The following CRPPA variants were observed in gnomAD, a reference collection of about 807,000 sequenced individuals.
CRPPA encodes D-ribitol-5-phosphate cytidylyltransferase.
CRPPA carries 43 observed loss-of-function variants against 52.0 expected under a neutral mutation model. The ratio of observed to expected loss-of-function variants is 0.83; its 90% CI spans 0.65 to 1.07. The LOEUF is 1.07. Ranked by LOEUF, CRPPA falls within the 50% of genes least tolerant of loss-of-function variation. CRPPA has a pLI of 0.00. For missense variants in CRPPA, 629 were observed against 551.7 expected (o/e 1.14, Z -1.40); for synonymous variants, 250 against 203.5 (o/e 1.23, Z -1.94).
chr7:16,200,956 A>AT, intron 9 of CRPPA, among the ~76,000 whole-genome samples: 1 of 152,278 alleles, frequency 6.6e-6, no homozygotes, highest in Non-Finnish European at 1.5e-5. Flanking sequence ...CATTTATGTT[A>AT]TTTTTTATAG....
intron 2 of CRPPA, among the ~76,000 whole-genome samples, chr7:16,400,188 A>G (rs1288761712): frequency 6.6e-6 from 1 of 152,150 alleles, no homozygotes; most frequent in African/African-American, 2.4e-5. Context: ...GACGTGACTG[A>G]CACGATTGAA....
At chr7:16,377,966 AG>A (rs1786943471) in intron 2 of CRPPA, among the ~76,000 whole-genome samples, 4 of 152,138 alleles carry the variant, frequency 2.6e-5, no homozygotes, top group Admixed American at 2.6e-4. Flanking sequence ...TTTTCATACC[AG>A]GGGAAATAAA....
intron 3 of CRPPA, among the ~76,000 whole-genome samples, chr7:16,356,775 C>A (rs1786306404): frequency 1.3e-5 from 2 of 152,182 alleles, no homozygotes; most frequent in Non-Finnish European, 2.9e-5. Flanking sequence ...TTTCCAACAT[C>A]TGGGTCCTTT....
At chr7:16,306,415 C>T (rs961641358) in intron 4 of CRPPA, among the ~76,000 whole-genome samples, 10 of 152,204 alleles carry the variant, frequency 6.6e-5, no homozygotes, top group Non-Finnish European at 1.2e-4. Flanking sequence ...AGGACTAACA[C>T]TCTTGCTGGA....
chr7:16,295,429 A>G (rs944400232), intron 5 of CRPPA, among the ~76,000 whole-genome samples: 55 of 152,110 alleles, frequency 3.6e-4, no homozygotes, highest in Admixed American at 1.2e-3. Flanking sequence ...CCTCTTTTTT[A>G]ATACACACAA....
chr7:16,351,273 A>C (rs1273456162), intron 3 of CRPPA, among the ~76,000 whole-genome samples: 1 of 152,180 alleles, frequency 6.6e-6, no homozygotes, highest in African/African-American at 2.4e-5. Context: ...GATGGATTAA[A>C]GATTTAAACC....
At chr7:16,330,693 T>C (rs967033732) in intron 3 of CRPPA, among the ~76,000 whole-genome samples, 2 of 152,034 alleles carry the variant, frequency 1.3e-5, no homozygotes, top group Non-Finnish European at 2.9e-5. Context: ...ATACTACTAA[T>C]ATGGGAGAGA....
At chr7:16,409,442 G>T (rs945572430) in intron 1 of CRPPA, among the ~76,000 whole-genome samples, 1 of 152,194 alleles carries the variant, frequency 6.6e-6, no homozygotes, top group Non-Finnish European at 1.5e-5. Context: ...ATTCAGCAAA[G>T]AGAGAAAGGA....
intron 3 of CRPPA, among the ~76,000 whole-genome samples, chr7:16,337,561 A>C (rs1785717114): frequency 6.6e-6 from 1 of 152,088 alleles, no homozygotes; most frequent in Non-Finnish European, 1.5e-5. Context: ...AAGTAACTGA[A>C]ATAGAGTCTA....
chr7:16,109,926 T>C (rs989616701), intron 9 of CRPPA, among the ~76,000 whole-genome samples: 1 of 152,014 alleles, frequency 6.6e-6, no homozygotes, highest in Admixed American at 6.6e-5. Context: ...TTCTATTTTA[T>C]AGAATATTGG....
At chr7:16,253,476 G>GC (rs1783517675) in intron 8 of CRPPA, among the ~76,000 whole-genome samples, 1 of 152,162 alleles carries the variant, frequency 6.6e-6, no homozygotes, top group Non-Finnish European at 1.5e-5. Flanking sequence ...GAGACAGACT[G>GC]TTACGATTTC....
At chr7:16,336,195 T>C (rs146859914) in intron 3 of CRPPA, among the ~76,000 whole-genome samples, 2 of 151,820 alleles carry the variant, frequency 1.3e-5, no homozygotes, top group East Asian at 3.9e-4. Context: ...AGATAGTACG[T>C]AGTTGCACTT....
chr7:16,127,371 TAAG>T (rs927655677), intron 9 of CRPPA, among the ~76,000 whole-genome samples: 4 of 151,904 alleles, frequency 2.6e-5, no homozygotes, highest in African/African-American at 9.7e-5. Context: ...GAAAAATAAA[TAAG>T]AAGGTTAAAT....
chr7:16,270,954 T>C (rs1784076897), intron 6 of CRPPA, among the ~76,000 whole-genome samples: 1 of 151,484 alleles, frequency 6.6e-6, no homozygotes, highest in Admixed American at 6.6e-5. Context: ...CTGAGGTCTA[T>C]AACAAAAGGC....
chr7:16,170,771 T>A (rs1481427838), intron 9 of CRPPA, among the ~76,000 whole-genome samples: 2 of 152,120 alleles, frequency 1.3e-5, no homozygotes, highest in Non-Finnish European at 2.9e-5. Flanking sequence ...GGGGTACAGG[T>A]GGGCCAGCAG....
intron 9 of CRPPA, among the ~76,000 whole-genome samples, chr7:16,203,765 G>A (rs1230456594): frequency 1.3e-5 from 2 of 152,102 alleles, no homozygotes; most frequent in Non-Finnish European, 2.9e-5. Context: ...AGTCCCAACT[G>A]ATAAACCAAT....
At chr7:16,348,441 G>A (rs1305189952) in intron 3 of CRPPA, among the ~76,000 whole-genome samples, 4 of 152,122 alleles carry the variant, frequency 2.6e-5, no homozygotes, top group Non-Finnish European at 5.9e-5. Context: ...CCCTGGAAGA[G>A]GTTTACACAC....
At chr7:16,152,770 G>A (rs1340576680) in intron 9 of CRPPA, among the ~76,000 whole-genome samples, 1 of 151,982 alleles carries the variant, frequency 6.6e-6, no homozygotes, top group Non-Finnish European at 1.5e-5. Context: ...GGTTCGCAAT[G>A]TAAAATAGGA....
At chr7:16,168,297 T>A (rs906956651) in intron 9 of CRPPA, among the ~76,000 whole-genome samples, 8 of 152,172 alleles carry the variant, frequency 5.3e-5, no homozygotes, top group Non-Finnish European at 1.0e-4. Flanking sequence ...GCTATAAATG[T>A]GTTTTTTAAA....
Sources: gnomAD v4.1 joint callset for allele counts (sites outside exome capture counted in the v4.1 genomes callset) on GRCh38, gnomAD v4.1.1 for gene constraint, MANE v1.5 for transcripts, NCBI Gene and HGNC (gene_info 2026-07-23, HGNC 2026-07-21) for gene names.